The following CAD variants were observed in gnomAD, a reference collection of about 807,000 sequenced individuals.
CAD encodes carbamoyl-phosphate synthetase 2, aspartate transcarbamylase, and dihydroorotase, also known as multifunctional protein CAD.
Under a neutral mutation model 237.2 loss-of-function variants are expected in CAD, and 81 were observed. That is an observed-to-expected ratio of 0.34 (90% CI 0.29 to 0.41). The LOEUF is 0.41. Among genes scored for constraint, CAD ranks in the 10% least tolerant of loss-of-function variants. The probability of loss-of-function intolerance (pLI) is 1.00; values close to 1 mark genes in which losing one functional copy is unlikely to be tolerated. For synonymous variants in CAD, 1,196 were observed against 1,162.8 expected (o/e 1.03, Z -0.58); for missense variants, 2,181 against 2,951.7 (o/e 0.74, Z 6.05).
chr2:27,237,328 C>T lies in CAD; in HGVS notation c.4397-51C>T. The T allele has an allele frequency of 6.3e-7, 1 of 1,591,818 alleles. No individual in the cohort carries two copies. Among genetic ancestry groups the T allele is most frequent in the Non-Finnish European group, 8.6e-7 (1 of 1,162,356 alleles). On this transcript the variant is annotated intron_variant, in intron 27 of 43. Transcript: ENST00000264705. The surrounding 1 kb of genome is among the most constrained non-coding windows in gnomAD (Gnocchi z 4.0). ...CGTGAGCCACCATGTCCAGCTCACC[C>T]TTCCTATTTCTGAATCTTCCTGTAA... is the stretch of plus-strand genomic sequence containing the variant.
Position 27,233,283 on chromosome 2 carries a change from C to G in CAD, c.2992-29C>G. 6.3e-7 allele frequency: 1 copy of G among 1,595,206 alleles called. No homozygotes were observed. ...TCAGATTCCTGCCCTCTTTTGCTGC[C>G]ACCACTTGTTTCTCCCCCTGCAACG... On this transcript the variant is annotated intron_variant, in intron 19 of 43. Coordinates refer to ENST00000264705, the MANE Select transcript of CAD (RefSeq NM_004341.5). The surrounding 1 kb of genome is among the most constrained non-coding windows in gnomAD (Gnocchi z 6.3).
chr2:27,224,262 T>C (rs1471838076), intron 8 of CAD, 83 bp from the exon 9 acceptor site: 18 of 1,501,054 alleles, frequency 1.2e-5, no homozygotes, highest in Non-Finnish European at 1.6e-5. Context: ...CTCTGGACTC[T>C]TCTGAAAGCG....
intron 23 of CAD, among the ~76,000 whole-genome samples, 188 bp downstream of exon 23, chr2:27,234,873 C>A (rs1675928186): frequency 6.6e-6 from 1 of 151,852 alleles, no homozygotes; most frequent in Non-Finnish European, 1.5e-5. Context: ...AAGTTGGATC[C>A]CCAAAAAAGC....
chr2:27,224,396 G>A lies in CAD; in HGVS notation c.1160G>A (p.Gly387Asp). The A allele has an allele frequency of 6.2e-7, 1 of 1,614,198 alleles. No individual in the cohort carries two copies. The highest frequency in any genetic ancestry group is 8.5e-7 in the Non-Finnish European group (1 of 1,180,038). ...TGTCCCCCTGGGATTCCCACTCCCG[G>A]CTCTGGACTTCCACCACCACGAAAG... ...RLCPPGIPTP[G>D]SGLPPPRKVL... Residue 387 changes from glycine (G) to aspartate (D), a missense_variant, in exon 9 of 44, where the codon GGC becomes GAC. Transcript: ENST00000264705.
chr2:27,240,701 G>T lies in CAD; in HGVS notation c.5594-210G>T. 7.1e-7 allele frequency: 1 copy of T among 1,402,932 alleles called. No individual in the cohort carries two copies. Among genetic ancestry groups the T allele is most frequent in the Non-Finnish European group, 9.8e-7 (1 of 1,020,748 alleles). 86.9% of individuals were successfully genotyped at this position (1,402,932 alleles called of 1,614,324 possible). A position where few individuals can be genotyped will look rare whatever the true frequency, so the allele number is the denominator to read the frequency against. On this transcript the variant is annotated intron_variant, in intron 35 of 43. Coordinates refer to ENST00000264705, the MANE Select transcript of CAD (RefSeq NM_004341.5). This position sits in a 1 kb window ranked among gnomAD's most constrained non-coding sequence, Gnocchi z 4.6. ...TGCCAACTGGGAGAGCCCCGGGAGGGCACCACTGCTCCCATACAACACAGC... is the reference window on the plus strand; with the variant it reads ...TGCCAACTGGGAGAGCCCCGGGAGGTCACCACTGCTCCCATACAACACAGC...
rs1481253622 is a variant in CAD at position 27,240,991 on chromosome 2, A to C, written c.5638+36A>C. On this transcript the variant is annotated intron_variant, in intron 36 of 43. Coordinates refer to ENST00000264705, the MANE Select transcript of CAD (RefSeq NM_004341.5). This position sits in a 1 kb window ranked among gnomAD's most constrained non-coding sequence, Gnocchi z 4.6. The stretch of plus-strand genomic sequence containing the variant: ...ACCCTGACACACACTCACCTCGGGG[A>C]CCTCTGATCTGGCCTTGGTAGGAGG... 7.4e-6 allele frequency: 12 copies of C among 1,613,632 alleles called. No individual in the cohort carries two copies. The highest frequency in any genetic ancestry group is 9.3e-6 in the Non-Finnish European group (11 of 1,179,912).
chr2:27,234,399 C>T, intron 22 of CAD, 119 bp from the exon 23 acceptor site: 3 of 1,170,456 alleles, frequency 2.6e-6, no homozygotes, highest in Non-Finnish European at 3.8e-6. Context: ...CAGTCAGTGA[C>T]CCTGAACCCT....
chr2:27,239,624 CT>C lies in CAD; in HGVS notation c.5395-71del. ...CAGCTCCCCCAAGGTGCTTTTTGTC[CT>C]TGCTGACATCTACCCCTTTAGGACC... On this transcript the variant is annotated intron_variant, in intron 33 of 43. Transcript: ENST00000264705. This position sits in a 1 kb window ranked among gnomAD's most constrained non-coding sequence, Gnocchi z 4.0. 6.7e-7 allele frequency: 1 copy of C among 1,489,220 alleles called. No homozygotes were observed. The allele number at this position is 1,489,220 out of a possible 1,614,324, so 92.3% of individuals were successfully genotyped here.
At position 27,236,567 on chromosome 2, in the gene CAD, T is replaced by C. The variant is rs1174475079; in HGVS notation, c.4314+44T>C. The C allele has an allele frequency of 6.2e-7, 1 of 1,604,132 alleles. No homozygotes were observed. The highest frequency in any genetic ancestry group is 8.5e-7 in the Non-Finnish European group (1 of 1,177,324). ...CTGGGAGGGAGACTGCCAGTGTTGA[T>C]GGGAAGAAGAAAGAGGGAGGAGTGA... On this transcript the variant is annotated intron_variant, in intron 26 of 43. Coordinates refer to ENST00000264705, the MANE Select transcript of CAD (RefSeq NM_004341.5). The surrounding 1 kb of genome is among the most constrained non-coding windows in gnomAD (Gnocchi z 4.1).
chr2:27,231,596 C>T lies in CAD; in HGVS notation c.2400+16C>T, dbSNP rs186564336. ...CAGCGATATGGTAAGTAGCTCCCCT[C>T]CCCTGGCAATACCCCTAAAATAGAC... is the stretch of plus-strand genomic sequence containing the variant. On this transcript the variant is annotated intron_variant, in intron 16 of 43. Transcript: ENST00000264705. 4.5e-4 allele frequency: 671 copies of T among 1,503,982 alleles called. 1 individual carries two copies. Among genetic ancestry groups the T allele is most frequent in the Non-Finnish European group, 5.6e-4 (610 of 1,080,016 alleles). The allele number at this position is 1,503,982 out of a possible 1,614,324, so 93.2% of individuals were successfully genotyped here.
In CAD at chr2:27,242,868, C is replaced by G; in HGVS notation, c.6379-4C>G. ...CATCCACCATGGCTCTCCTCACCCT[C>G]CAGGAGGAATTCGAGAGCATTGAGG... On this transcript the variant is annotated splice_polypyrimidine_tract_variant and splice_region_variant and intron_variant, in intron 41 of 43. Coordinates refer to ENST00000264705, the MANE Select transcript of CAD (RefSeq NM_004341.5). The surrounding 1 kb of genome is among the most constrained non-coding windows in gnomAD (Gnocchi z 6.4). 1 of 1,613,986 alleles carries G rather than the reference C, an allele frequency of 6.2e-7. No homozygotes were observed. Among genetic ancestry groups the G allele is most frequent in the Non-Finnish European group, 8.5e-7 (1 of 1,179,854 alleles).
chr2:27,226,307 T>C lies in CAD; in HGVS notation c.2019T>C (p.Pro673=). 1 of 1,614,090 alleles carries C rather than the reference T, an allele frequency of 6.2e-7. No homozygotes were observed. The highest frequency in any genetic ancestry group is 8.5e-7 in the Non-Finnish European group (1 of 1,179,950). ...GCAATGTGCAGTATGCCTTGAACCC[T>C]GAGTCTGAGCAGGTAAGCTCTAGGC... ...GECNVQYALN[P]ESEQYYIIEV... Residue 673 remains proline, a synonymous_variant, in exon 13 of 44, where the codon CCT becomes CCC. Transcript: ENST00000264705.
intron 8 of CAD, 42 bp downstream of exon 8, chr2:27,224,071 G>T: frequency 7.0e-7 from 1 of 1,435,570 alleles, no homozygotes; most frequent in Non-Finnish European, 9.8e-7. Flanking sequence ...CTAAGAACAG[G>T]GTTGGCTCCA....
chr2:27,233,760 C>T lies in CAD; in HGVS notation c.3351C>T (p.Val1117=). The change falls in exon 21 of 44, where the codon GTC becomes GTT. Residue 1117 remains valine (V), a synonymous_variant. Coordinates refer to ENST00000264705, the MANE Select transcript of CAD (RefSeq NM_004341.5). This position sits in a 1 kb window ranked among gnomAD's most constrained non-coding sequence, Gnocchi z 6.3. The part of the protein sequence containing the change: ...LERFLSSAAA[V]SKEHPVVISK... The stretch of plus-strand genomic sequence containing the variant: ...GCTTCCTGAGCAGCGCAGCAGCCGT[C>T]TCCAAAGAGCATCCCGTGGTCATCT... 6.2e-7 allele frequency: 1 copy of T among 1,614,164 alleles called. No individual in the cohort carries two copies. The highest frequency in any genetic ancestry group is 1.1e-5 in the South Asian group (1 of 91,090).
rs542212524 is a variant in CAD, at chr2:27,221,793, A to C, written c.353-401A>C. On this transcript the variant is annotated intron_variant, in intron 3 of 43. Transcript: ENST00000264705. ...TTTTTTTTTTTTTCTGTTCATTTGA[A>C]TCTTGCTCTAAACAGGGTTCACACA... Among the ~76,000 whole-genome samples the C allele has an allele frequency of 7.7e-5, 8 of 104,496 alleles. No homozygotes were observed. In the East Asian group the frequency reaches 1.8e-3, roughly 24 times the overall value. The allele number at this position is 104,496 out of a possible 152,430, so 68.6% of individuals were successfully genotyped here. A position where few individuals can be genotyped will look rare whatever the true frequency, so the allele number is the denominator to read the frequency against.
chr2:27,240,901 C>T lies in CAD; in HGVS notation c.5594-10C>T. 2 of 1,614,048 alleles carry T rather than the reference C, an allele frequency of 1.2e-6. No individual in the cohort carries two copies. The highest frequency in any genetic ancestry group is 2.7e-5 in the African/African-American group (2 of 75,028). On this transcript the variant is annotated splice_polypyrimidine_tract_variant and intron_variant, in intron 35 of 43. Transcript: ENST00000264705. The surrounding 1 kb of genome is among the most constrained non-coding windows in gnomAD (Gnocchi z 4.6). ...ATAAATGTATATCTGTCCTCTTGTCCTGTTTGCAGCTGAGGAGCCAAAGGA... is the reference window on the plus strand; with the variant it reads ...ATAAATGTATATCTGTCCTCTTGTCTTGTTTGCAGCTGAGGAGCCAAAGGA...
chr2:27,224,860 C>T lies in CAD; in HGVS notation c.1370C>T (p.Pro457Leu), dbSNP rs769007549. The T allele has an allele frequency of 3.1e-6, 5 of 1,614,198 alleles. No homozygotes were observed. The Admixed American group carries it at 8.3e-5, about 27-fold the overall frequency. Residue 457 changes from proline to leucine, a missense_variant, in exon 10 of 44, where the codon CCT (proline) becomes CTT (leucine). Transcript: ENST00000264705. The part of the protein sequence containing the change: ...ADKVYFLPIT[P>L]HYVTQVIRNE... ...AAGGTCTATTTTCTTCCCATAACAC[C>T]TCATTATGTAACCCAGGTATGACTG...
intron 15 of CAD, among the ~76,000 whole-genome samples, chr2:27,230,153 A>G (rs1278568437): frequency 2.6e-5 from 4 of 151,628 alleles, no homozygotes; most frequent in East Asian, 1.9e-4. Flanking sequence ...CAGGAGAATC[A>G]CTTGAACCCA....
In CAD at chr2:27,240,165, CAGA is replaced by C; in HGVS notation, c.5497-97_5497-95del. 1.0e-6 allele frequency: 1 copy of C among 967,252 alleles called. No homozygotes were observed. The allele number at this position is 967,252 out of a possible 1,614,324, so 59.9% of individuals were successfully genotyped here. ...CTGAGGCAGGAGAATTGCTTGAACC[CAGA>C]AGGTCACGCCACTGCACTCCAGCCT... On this transcript the variant is annotated intron_variant, in intron 34 of 43. Coordinates refer to ENST00000264705, the MANE Select transcript of CAD (RefSeq NM_004341.5). The surrounding 1 kb of genome is among the most constrained non-coding windows in gnomAD (Gnocchi z 4.6).
Sources: gnomAD v4.1 joint callset for allele counts (sites outside exome capture counted in the v4.1 genomes callset) on GRCh38, gnomAD v4.1.1 for gene constraint, Gnocchi (gnomAD v3.1) non-coding constraint, MANE v1.5 for transcripts, NCBI Gene and HGNC (gene_info 2026-07-23, HGNC 2026-07-21) for gene names.